ATL2: variants seen among roughly 807,000 people sequenced by gnomAD.
The protein encoded by ATL2 is atlastin GTPase 2.
Under a neutral mutation model 73.9 loss-of-function variants are expected in ATL2, and 31 were observed. The ratio of observed to expected loss-of-function variants is 0.42; its 90% confidence interval spans 0.32 to 0.57. ATL2 has a LOEUF of 0.57. Among genes scored for constraint, ATL2 ranks in the 20% least tolerant of loss-of-function variants. ATL2 has a pLI of 0.14. For missense variants in ATL2, 738 were observed against 702.6 expected (o/e 1.05, Z -0.57); for synonymous variants, 291 against 237.5 (o/e 1.23, Z -2.07).
intron 2 of ATL2, among the ~76,000 whole-genome samples, chr2:38,320,151 C>T (rs1354275164): frequency 6.6e-6 from 1 of 152,106 alleles, no homozygotes; most frequent in Non-Finnish European, 1.5e-5. Context: ...AACCCCAAGA[C>T]TTGTTTGGAG....
intron 9 of ATL2, among the ~76,000 whole-genome samples, chr2:38,302,619 CAG>C (rs975350957): frequency 6.6e-6 from 1 of 152,214 alleles, no homozygotes; most frequent in African/African-American, 2.4e-5. Context: ...AGCACAGAGA[CAG>C]AGACTCCATT....
At chr2:38,329,150 G>A (rs1355699752) in intron 2 of ATL2, among the ~76,000 whole-genome samples, 1 of 146,158 alleles carries the variant, frequency 6.8e-6, no homozygotes, top group Non-Finnish European at 1.5e-5. Flanking sequence ...AAAAAGGCCA[G>A]GCGTGGTAGC....
At chr2:38,326,236 GA>G (rs1668657876) in intron 2 of ATL2, among the ~76,000 whole-genome samples, 1 of 152,120 alleles carries the variant, frequency 6.6e-6, no homozygotes, top group African/African-American at 2.4e-5. Context: ...AAGTTCTTGG[GA>G]AACCCCAAAG....
intron 2 of ATL2, among the ~76,000 whole-genome samples, chr2:38,325,951 T>G (rs890506662): frequency 1.0e-4 from 15 of 145,012 alleles, no homozygotes; most frequent in Non-Finnish European, 2.3e-4. Context: ...AGACCAGGAC[T>G]CAGGCCCACT....
chr2:38,340,269 T>C (rs1239730898), intron 2 of ATL2, among the ~76,000 whole-genome samples: 3 of 150,824 alleles, frequency 2.0e-5, no homozygotes, highest in East Asian at 1.9e-4. Flanking sequence ...TGTATACCTA[T>C]GTAAAATTTC....
upstream of ATL2, among the ~76,000 whole-genome samples, chr2:38,378,255 A>G: frequency 6.6e-6 from 1 of 152,226 alleles, no homozygotes; most frequent in East Asian, 1.9e-4. Context: ...CACAGCATGC[A>G]CAATCTCTAG....
intron 1 of ATL2, among the ~76,000 whole-genome samples, chr2:38,367,634 C>CTTTTT (rs776674384): frequency 2.1e-5 from 2 of 95,340 alleles, no homozygotes; most frequent in African/African-American, 7.2e-5. Flanking sequence ...TTTAAAACAA[C>CTTTTT]TTTTTTTTTT....
intron 1 of ATL2, among the ~76,000 whole-genome samples, chr2:38,366,934 C>T (rs1206225169): frequency 6.6e-6 from 1 of 152,150 alleles, no homozygotes; most frequent in Non-Finnish European, 1.5e-5. Flanking sequence ...CATGTCCTAC[C>T]CTCAAGAGAA....
In ATL2 at chr2:38,377,266, A is replaced by G. The variant is rs1672043718; in HGVS notation, c.-6T>C. 5 of 1,564,648 alleles carry G rather than the reference A, an allele frequency of 3.2e-6. No individual in the cohort carries two copies. Among genetic ancestry groups the G allele is most frequent in the African/African-American group, 1.4e-5 (1 of 73,084 alleles). On this transcript the variant is annotated 5_prime_UTR_variant, in exon 1 of 13. Coordinates refer to ENST00000378954, the MANE Select transcript of ATL2 (RefSeq NM_001135673.4). Reference sequence around the variant, plus strand: ...GCCTCGTCCCCCTCCGCCATCTTGTACCGATTTAAAATTAACTCCCCACTG... The same window carrying G: ...GCCTCGTCCCCCTCCGCCATCTTGTGCCGATTTAAAATTAACTCCCCACTG...
At chr2:38,340,418 C>A (rs1013710821) in intron 2 of ATL2, among the ~76,000 whole-genome samples, 1 of 151,846 alleles carries the variant, frequency 6.6e-6, no homozygotes, top group African/African-American at 2.4e-5. Context: ...GTGGGGGGGG[C>A]AGGGCATAGA....
At chr2:38,373,276 C>A (rs1404920446) in intron 1 of ATL2, among the ~76,000 whole-genome samples, 1 of 152,196 alleles carries the variant, frequency 6.6e-6, no homozygotes, top group African/African-American at 2.4e-5. Flanking sequence ...ACTAGAGAAC[C>A]TAGATAAGTA....
chr2:38,320,724 T>C (rs1376529696), intron 2 of ATL2, among the ~76,000 whole-genome samples: 6 of 152,158 alleles, frequency 3.9e-5, no homozygotes, highest in African/African-American at 1.4e-4. Context: ...CTAATAAGCT[T>C]GGATATCTAG....
At chr2:38,334,843 T>C (rs11892099) in intron 2 of ATL2, among the ~76,000 whole-genome samples, 35,639 of 136,188 alleles carry the variant, frequency 0.26, 4,796 homozygotes, top group South Asian at 0.37. Flanking sequence ...ATAGTTATAA[T>C]TTATATTCAA....
Position 38,329,385 on chromosome 2 carries a change from G to C in ATL2, c.364-10366C>G, listed in dbSNP as rs562527007. On this transcript the variant is annotated intron_variant, in intron 2 of 12. Transcript: ENST00000378954. ...AGAGGGTGCAGTGGGCCAAGATCAT[G>C]CCACTGCACCCTAGGAGACAGAGCA... 2.6e-4 allele frequency among the ~76,000 whole-genome samples: 30 copies of C among 114,768 alleles called. No homozygotes were observed. The South Asian group carries it at 8.6e-3, about 33-fold the overall frequency. The allele number at this position is 114,768 out of a possible 152,430, so 75.3% of individuals were successfully genotyped here. A position where few individuals can be genotyped will look rare whatever the true frequency, so the allele number is the denominator to read the frequency against.
intron 2 of ATL2, among the ~76,000 whole-genome samples, chr2:38,331,078 C>T (rs1195622134): frequency 2.6e-5 from 4 of 151,840 alleles, no homozygotes; most frequent in Admixed American, 2.0e-4. Context: ...AGGCAGATTG[C>T]CTGAGCGCAG....
chr2:38,309,264 C>A, intron 9 of ATL2, 115 bp downstream of exon 9: 1 of 1,035,462 alleles, frequency 9.7e-7, no homozygotes, highest in Non-Finnish European at 1.3e-6. Flanking sequence ...AGATAAATCA[C>A]AAATCTTACT....
chr2:38,299,282 C>G lies in ATL2; in HGVS notation c.1174G>C (p.Asp392His). The G allele has an allele frequency of 6.6e-7, 1 of 1,519,418 alleles. No individual in the cohort carries two copies. The highest frequency in any genetic ancestry group is 8.7e-7 in the Non-Finnish European group (1 of 1,145,548). The allele number at this position is 1,519,418 out of a possible 1,614,324, so 94.1% of individuals were successfully genotyped here. A position where few individuals can be genotyped will look rare whatever the true frequency, so the allele number is the denominator to read the frequency against. Residue 392 changes from aspartate to histidine, a missense_variant, in exon 11 of 13, where the codon GAT becomes CAT. Physicochemically the swap from Asp to His is moderately conservative, Grantham distance 81. Coordinates refer to ENST00000378954, the MANE Select transcript of ATL2 (RefSeq NM_001135673.4). ...NNLAAVAGAR[D>H]TYCKSMEQVC... is the part of the protein sequence containing the mutation. ...TGTTCCATACTTTTACAATAGGTAT[C>G]TCTTGCTCCTGCTACTGCAGCAAGA...
intron 6 of ATL2, among the ~76,000 whole-genome samples, chr2:38,314,099 G>C (rs1667898721): frequency 6.6e-6 from 1 of 152,082 alleles, no homozygotes; most frequent in Admixed American, 6.6e-5. Flanking sequence ...GAGCAAACAT[G>C]GTAGAGTCAT....
intron 2 of ATL2, among the ~76,000 whole-genome samples, chr2:38,321,438 G>T (rs561892481): frequency 6.6e-6 from 1 of 152,242 alleles, no homozygotes; most frequent in East Asian, 1.9e-4. Flanking sequence ...ATGGACTTGT[G>T]TTTCAGGAGG....
Sources: gnomAD v4.1 joint callset for allele counts (sites outside exome capture counted in the v4.1 genomes callset) on GRCh38, gnomAD v4.1.1 for gene constraint, MANE v1.5 for transcripts, NCBI Gene and HGNC (gene_info 2026-07-23, HGNC 2026-07-21) for gene names.